ATF7IP2: variants seen among roughly 807,000 people sequenced by gnomAD.
The protein encoded by ATF7IP2 is activating transcription factor 7-interacting protein 2.
Under a neutral mutation model 64.2 loss-of-function variants are expected in ATF7IP2, and 42 were observed. The observed-to-expected ratio is 0.65, with a 90% confidence interval of 0.51 to 0.85. The LOEUF (loss-of-function observed/expected upper bound fraction) is 0.85. Ranked by LOEUF, ATF7IP2 falls within the 40% of genes least tolerant of loss-of-function variation. The probability of loss-of-function intolerance (pLI) is 0.00; values close to 1 mark genes in which losing one functional copy is unlikely to be tolerated. For synonymous variants in ATF7IP2, 308 were observed against 272.8 expected (o/e 1.13, Z -1.27); for missense variants, 933 against 784.2 (o/e 1.19, Z -2.27).
chr16:10,456,306 G>T (rs948903927), intron 8 of ATF7IP2, among the ~76,000 whole-genome samples: 7 of 152,160 alleles, frequency 4.6e-5, no homozygotes, highest in Non-Finnish European at 8.8e-5. Context: ...ACTCTAAGAG[G>T]CTCACTATCA....
rs774817108 is a variant in ATF7IP2 at position 10,431,117 on chromosome 16, C to G, written c.497C>G (p.Ser166Cys). 6.2e-7 allele frequency: 1 copy of G among 1,614,182 alleles called. No homozygotes were observed. Among genetic ancestry groups the G allele is most frequent in the Non-Finnish European group, 8.5e-7 (1 of 1,180,030 alleles). ...FEHEGACSLK[S>C]SCCPPSVLSG... Reference sequence around the variant, plus strand: ...CATGAGGGGGCTTGTAGTCTAAAGTCCAGTTGCTGTCCACCCAGTGTATTG... The same window carrying G: ...CATGAGGGGGCTTGTAGTCTAAAGTGCAGTTGCTGTCCACCCAGTGTATTG... The change falls in exon 5 of 14, where the codon TCC (serine) becomes TGC (cysteine). Residue 166 changes from serine to cysteine, a missense_variant. Transcript: ENST00000562102.
At chr16:10,420,294 CA>C (rs2047966475) in intron 3 of ATF7IP2, among the ~76,000 whole-genome samples, 1 of 151,982 alleles carries the variant, frequency 6.6e-6, no homozygotes, top group South Asian at 2.1e-4. Context: ...GTAGCCCAGA[CA>C]AAATGAGAAA....
intron 1 of ATF7IP2, among the ~76,000 whole-genome samples, chr16:10,392,450 TC>T (rs2047345961): frequency 6.6e-6 from 1 of 151,614 alleles, no homozygotes; most frequent in Non-Finnish European, 1.5e-5. Context: ...GAGCCACTGC[TC>T]CCAGCTGGTT....
At chr16:10,411,950 G>T (rs1439721993) in intron 1 of ATF7IP2, among the ~76,000 whole-genome samples, 1 of 128,368 alleles carries the variant, frequency 7.8e-6, no homozygotes, top group Non-Finnish European at 1.6e-5. Context: ...CTTGCTAATG[G>T]TCTATTAATT....
intron 8 of ATF7IP2, chr16:10,446,146 T>TA (rs2048796412): frequency 6.6e-6 from 1 of 152,198 alleles, no homozygotes; most frequent in Non-Finnish European, 1.5e-5. Flanking sequence ...GAGCCACCTA[T>TA]AAATAAGTGC....
intron 1 of ATF7IP2, among the ~76,000 whole-genome samples, chr16:10,389,616 G>A (rs543227672): frequency 1.3e-5 from 2 of 152,252 alleles, no homozygotes; most frequent in East Asian, 3.9e-4. Context: ...GCTAAAATTT[G>A]TAACTCAAGA....
intron 1 of ATF7IP2, among the ~76,000 whole-genome samples, chr16:10,412,010 G>GTTTTTTTTTTT (rs71133351): frequency 1.7e-5 from 1 of 58,390 alleles, no homozygotes; most frequent in Non-Finnish European, 3.3e-5. Flanking sequence ...ATCTTTTTTT[G>GTTTTTTTTTTT]TTTTTTTTTT....
intron 1 of ATF7IP2, among the ~76,000 whole-genome samples, chr16:10,389,992 G>A (rs7185256): frequency 8.5e-5 from 13 of 152,186 alleles, no homozygotes; most frequent in African/African-American, 1.9e-4. Context: ...AAGACCCTCC[G>A]TTCAAATATT....
At chr16:10,457,871 G>C (rs2049235343) in intron 9 of ATF7IP2, among the ~76,000 whole-genome samples, 1 of 152,028 alleles carries the variant, frequency 6.6e-6, no homozygotes, top group Non-Finnish European at 1.5e-5. Context: ...TCACCATGCT[G>C]GGCTAATTTT....
chr16:10,416,310 G>A (rs2047876618), intron 2 of ATF7IP2, among the ~76,000 whole-genome samples: 2 of 152,180 alleles, frequency 1.3e-5, no homozygotes, highest in African/African-American at 4.8e-5. Context: ...AATGTGGATG[G>A]CTCTAGAGGT....
At position 10,482,083 on chromosome 16, in the gene ATF7IP2, A is replaced by C. The variant is rs1230136787; in HGVS notation, c.1883A>C (p.Lys628Thr). 1.2e-6 allele frequency: 2 copies of C among 1,614,150 alleles called. No homozygotes were observed. The highest frequency in any genetic ancestry group is 1.7e-6 in the Non-Finnish European group (2 of 1,179,986). Reference sequence around the variant, plus strand: ...TCTAATAATAAGTTGATTTGGAAGAAGATTGGAGAAATTAAAGCTTTACCA... The same window carrying C: ...TCTAATAATAAGTTGATTTGGAAGACGATTGGAGAAATTAAAGCTTTACCA... Reference protein sequence around the residue: ...ENSNNKLIWKKIGEIKALPLP... With the variant: ...ENSNNKLIWKTIGEIKALPLP... The change falls in exon 14 of 14, where the codon AAG becomes ACG. Residue 628 changes from lysine (K) to threonine (T), a missense_variant. Coordinates refer to ENST00000562102, the MANE Select transcript of ATF7IP2 (RefSeq NM_001393719.1).
intron 6 of ATF7IP2, among the ~76,000 whole-genome samples, chr16:10,435,541 T>TCA: frequency 6.6e-6 from 1 of 152,214 alleles, no homozygotes; most frequent in African/African-American, 2.4e-5. Flanking sequence ...TGTGTCTTCC[T>TCA]TTTGTATAAG....
At position 10,473,981 on chromosome 16, in the gene ATF7IP2, G is replaced by A. The variant is rs1380310716; in HGVS notation, c.1541G>A (p.Cys514Tyr). 6.3e-7 allele frequency: 1 copy of A among 1,591,872 alleles called. No individual in the cohort carries two copies. The highest frequency in any genetic ancestry group is 8.6e-7 in the Non-Finnish European group (1 of 1,165,224). ...IDLTKEGLSN[C>Y]NTESPVSPLE... ...TTGACAAAAGAAGGCCTATCCAACT[G>A]CAATACAGGTAAAAGGATTTTTTAG... Residue 514 changes from cysteine (C) to tyrosine (Y), a missense_variant, in exon 12 of 14, where the codon TGC becomes TAC. Cys to Tyr is a radical substitution (Grantham distance 194). Coordinates refer to ENST00000562102, the MANE Select transcript of ATF7IP2 (RefSeq NM_001393719.1).
intron 11 of ATF7IP2, 140 bp downstream of exon 11, chr16:10,473,674 T>G: frequency 1.5e-6 from 1 of 685,984 alleles, no homozygotes; most frequent in Non-Finnish European, 2.5e-6. Context: ...ATAAGCATAA[T>G]TCATAACGAT....
intron 1 of ATF7IP2, among the ~76,000 whole-genome samples, chr16:10,395,346 G>T (rs992826921): frequency 6.6e-6 from 1 of 151,956 alleles, no homozygotes; most frequent in Non-Finnish European, 1.5e-5. Flanking sequence ...CAAATCAGAT[G>T]GTTTTATTAG....
rs564716756 is a variant in ATF7IP2, at chr16:10,420,064, G to A, written c.-160+441G>A. Among the ~76,000 whole-genome samples the A allele has an allele frequency of 2.8e-4, 42 of 152,296 alleles. No homozygotes were observed. The South Asian group carries it at 6.4e-3, about 23-fold the overall frequency. ...CTTTTGCTTTTGCAACGGCTGTTTC[G>A]GGGAGAGATTCATTCATTCCACAAT... On this transcript the variant is annotated intron_variant, in intron 3 of 13. Coordinates refer to ENST00000562102, the MANE Select transcript of ATF7IP2 (RefSeq NM_001393719.1).
At chr16:10,453,620 TTTA>T (rs1240946861) in intron 8 of ATF7IP2, among the ~76,000 whole-genome samples, 3 of 152,162 alleles carry the variant, frequency 2.0e-5, no homozygotes, top group African/African-American at 2.4e-5. Context: ...GCTTTCTTTG[TTTA>T]TTTATTTTTT....
Position 10,483,119 on chromosome 16 carries a change from T to C in ATF7IP2, c.*870T>C, listed in dbSNP as rs2050296877. On this transcript the variant is annotated 3_prime_UTR_variant, in exon 14 of 14. Coordinates refer to ENST00000562102, the MANE Select transcript of ATF7IP2 (RefSeq NM_001393719.1). ...TCCTCTTTTTTGTTTTGTTTTGCACTTTGTCAATCATTTGGGGAAATAGCC... is the reference window on the plus strand; with the variant it reads ...TCCTCTTTTTTGTTTTGTTTTGCACCTTGTCAATCATTTGGGGAAATAGCC... 2 of 152,270 alleles carry C rather than the reference T, an allele frequency of 1.3e-5. No homozygotes were observed. The highest frequency in any genetic ancestry group is 6.5e-5 in the Admixed American group (1 of 15,286). The allele number at this position is 152,270 out of a possible 1,614,324, so 9.4% of individuals were successfully genotyped here. A position where few individuals can be genotyped will look rare whatever the true frequency, so the allele number is the denominator to read the frequency against.
intron 12 of ATF7IP2, among the ~76,000 whole-genome samples, chr16:10,478,594 G>T (rs1163871175): frequency 6.6e-6 from 1 of 152,136 alleles, no homozygotes; most frequent in East Asian, 1.9e-4. Context: ...ATAGGCATGG[G>T]CAAGGACTTC....
Sources: allele counts gnomAD v4.1 joint callset (sites outside exome capture counted in the v4.1 genomes callset), GRCh38; gene constraint gnomAD v4.1.1; transcripts MANE v1.5; gene names NCBI Gene and HGNC (gene_info 2026-07-23, HGNC 2026-07-21).